STPG2: variants seen among roughly 807,000 people sequenced by gnomAD.
STPG2 encodes sperm tail PG-rich repeat containing 2.
In STPG2, 56 loss-of-function variants were observed where a neutral mutation model predicts 54.2. The ratio of observed to expected loss-of-function variants is 1.03; its 90% confidence interval spans 0.83 to 1.29. STPG2 has a LOEUF of 1.29. Ranked by LOEUF, STPG2 falls within the 50% of genes most tolerant of loss-of-function variation. STPG2 has a pLI of 0.00. For synonymous variants in STPG2, 200 were observed against 181.8 expected, an observed-to-expected ratio of 1.10 and a Z score of -0.81; for missense variants, 596 against 544.9, an observed-to-expected ratio of 1.09 and a Z score of -0.93.
chr4:97,571,105 A>C (rs1732588877), intron 10 of STPG2, among the ~76,000 whole-genome samples: 1 of 151,994 alleles, frequency 6.6e-6, no homozygotes, highest in Admixed American at 6.6e-5. Context: ...TATAGTATTT[A>C]AATGTAATTA....
intron 5 of STPG2, among the ~76,000 whole-genome samples, chr4:98,020,186 T>C (rs1349804671): frequency 3.0e-5 from 4 of 133,086 alleles, no homozygotes; most frequent in Non-Finnish European, 4.9e-5. Context: ...TTTTGAGATA[T>C]GTCCCATCAA....
intron 8 of STPG2, among the ~76,000 whole-genome samples, chr4:97,868,231 A>G (rs897838929): frequency 2.0e-5 from 3 of 151,804 alleles, no homozygotes; most frequent in Admixed American, 6.6e-5. Context: ...TGATTCTTCT[A>G]TCTATCTCTG....
chr4:97,783,908 C>A (rs772590147), intron 9 of STPG2, among the ~76,000 whole-genome samples: 2 of 150,920 alleles, frequency 1.3e-5, no homozygotes, highest in Non-Finnish European at 2.9e-5. Context: ...TCACACACTG[C>A]GGCCAGTCAT....
At chr4:97,964,893 C>A (rs977202583) in intron 7 of STPG2, among the ~76,000 whole-genome samples, 1 of 152,162 alleles carries the variant, frequency 6.6e-6, no homozygotes, top group Non-Finnish European at 1.5e-5. Flanking sequence ...CGAATAGGAA[C>A]AGCTCTGGTC....
chr4:97,597,780 C>T (rs1172563161), intron 10 of STPG2, among the ~76,000 whole-genome samples: 1 of 152,062 alleles, frequency 6.6e-6, no homozygotes, highest in Non-Finnish European at 1.5e-5. Flanking sequence ...CTACATCATA[C>T]TGAATGGGCA....
rs1343379155 is a variant in STPG2 at position 97,960,692 on chromosome 4, C to A, written c.933+11588G>T. Among the ~76,000 whole-genome samples, 6 of 151,966 alleles carry A rather than the reference C, an allele frequency of 3.9e-5. 1 individual carries two copies. The highest frequency in any genetic ancestry group is 4.1e-4 in the South Asian group (2 of 4,828). On this transcript the variant is annotated intron_variant, in intron 7 of 10. Coordinates refer to ENST00000295268, the MANE Select transcript of STPG2 (RefSeq NM_174952.3). ...ACTACAAAACACTGCTGAAAGAAAT[C>A]ATAGACCACAAAAAACAAATAGAAA...
chr4:97,963,790 C>A (rs1197505925), intron 7 of STPG2, among the ~76,000 whole-genome samples: 1 of 151,438 alleles, frequency 6.6e-6, no homozygotes, highest in South Asian at 2.1e-4. Context: ...AAATTAAAGA[C>A]AAATATCAAA....
At chr4:97,904,307 G>C (rs928628889) in intron 8 of STPG2, among the ~76,000 whole-genome samples, 1 of 152,166 alleles carries the variant, frequency 6.6e-6, no homozygotes. Context: ...CCCCCGAGCA[G>C]CCTAACTGGG....
At chr4:97,563,432 A>C (rs1732319376) in intron 10 of STPG2, among the ~76,000 whole-genome samples, 1 of 151,754 alleles carries the variant, frequency 6.6e-6, no homozygotes, top group Admixed American at 6.6e-5. Flanking sequence ...TTGTGTCTCT[A>C]TTTCCTTCAG....
At chr4:97,505,798 T>C (rs79058619) in intron 4 of STPG2, among the ~76,000 whole-genome samples, 6,306 of 151,884 alleles carry the variant, frequency 0.042, 339 homozygotes, top group African/African-American at 0.13. Context: ...AGTGGTGGTC[T>C]TGACATTGTG....
chr4:97,761,915 T>C (rs1425315342), intron 9 of STPG2, among the ~76,000 whole-genome samples: 9 of 152,144 alleles, frequency 5.9e-5, no homozygotes, highest in Non-Finnish European at 1.3e-4. Context: ...TTACCTCATA[T>C]GTGTGGCTAT....
chr4:98,132,472 T>C (rs1349500490), intron 2 of STPG2, among the ~76,000 whole-genome samples: 1 of 152,050 alleles, frequency 6.6e-6, no homozygotes, highest in African/African-American at 2.4e-5. Flanking sequence ...TGGTCTCTAA[T>C]ACTTTTCTGT....
At chr4:97,995,748 T>C (rs1048819904) in intron 5 of STPG2, among the ~76,000 whole-genome samples, 5 of 152,158 alleles carry the variant, frequency 3.3e-5, no homozygotes, top group African/African-American at 1.2e-4. Flanking sequence ...CAGTGACTCC[T>C]AGAAAACAGA....
chr4:97,958,861 A>G (rs1482215972), intron 7 of STPG2, among the ~76,000 whole-genome samples: 2 of 152,210 alleles, frequency 1.3e-5, no homozygotes, highest in African/African-American at 4.8e-5. Flanking sequence ...ACTATGCCCT[A>G]TGACAAATGG....
At chr4:97,903,562 T>C (rs1459341253) in intron 8 of STPG2, among the ~76,000 whole-genome samples, 2 of 151,498 alleles carry the variant, frequency 1.3e-5, no homozygotes, top group African/African-American at 4.9e-5. Context: ...AAAAGACCAA[T>C]AAAACTCATG....
Position 97,712,702 on chromosome 4 carries a change from A to C in STPG2, c.1317T>G (p.Tyr439Ter), listed in dbSNP as rs759814957. 3.2e-6 allele frequency: 5 copies of C among 1,571,174 alleles called. No homozygotes were observed. Among genetic ancestry groups the C allele is most frequent in the Non-Finnish European group, 3.5e-6 (4 of 1,157,788 alleles). ...SKEITPGPAT[Y>*]EISQEKKKGN... is the part of the protein sequence containing the mutation. ...TAAGAAGGAAATATTGACAAACCTC[A>C]TATGTTGCTGGGCCTGGAGTAATCT... Residue 439 changes from tyrosine to a stop codon, truncating the protein, a stop_gained, in exon 10 of 11, where the codon TAT (tyrosine) becomes TAG (stop). Transcript: ENST00000295268. LOFTEE classifies it high-confidence loss of function.
At chr4:97,622,473 A>G (rs1423955551) in intron 10 of STPG2, among the ~76,000 whole-genome samples, 1 of 152,156 alleles carries the variant, frequency 6.6e-6, no homozygotes, top group East Asian at 1.9e-4. Context: ...CCTATACACA[A>G]CATATAAGCT....
At chr4:97,916,887 T>G (rs1157130681) in intron 8 of STPG2, 1 of 152,938 alleles carries the variant, frequency 6.5e-6, no homozygotes, top group African/African-American at 2.4e-5. Context: ...TGGCTCCAGC[T>G]GCTGCCATCA....
At chr4:97,822,057 C>A (rs1015706550) in intron 9 of STPG2, among the ~76,000 whole-genome samples, 1 of 152,214 alleles carries the variant, frequency 6.6e-6, no homozygotes, top group African/African-American at 2.4e-5. Flanking sequence ...CATGGCCAGG[C>A]TGCAAATTTT....
Sources: gnomAD v4.1 joint callset for allele counts (sites outside exome capture counted in the v4.1 genomes callset) on GRCh38, gnomAD v4.1.1 for gene constraint, MANE v1.5 for transcripts, NCBI Gene and HGNC (gene_info 2026-07-23, HGNC 2026-07-21) for gene names.